Variants in L3MBTL4 observed in about 807,000 individuals in gnomAD.
The protein encoded by L3MBTL4 is L3MBTL histone methyl-lysine binding protein 4.
Under a neutral mutation model 84.5 loss-of-function variants are expected in L3MBTL4, and 70 were observed. The observed-to-expected ratio is 0.83, with a 90% CI of 0.68 to 1.01. The LOEUF (loss-of-function observed/expected upper bound fraction) is 1.01, where lower values mean the gene tolerates loss of function less well. L3MBTL4 is among the 50% of genes least tolerant of loss of function. L3MBTL4 has a pLI of 0.00. For missense variants in L3MBTL4, 715 were observed against 754.8 expected, an observed-to-expected ratio of 0.95 and a Z score of 0.62; for synonymous variants, 274 against 259.8, an observed-to-expected ratio of 1.05 and a Z score of -0.52.
chr18:6,004,075 T>G (rs1456978127), intron 16 of L3MBTL4, among the ~76,000 whole-genome samples: 1 of 151,750 alleles, frequency 6.6e-6, no homozygotes, highest in East Asian at 1.9e-4. Context: ...AAGAGAAAAT[T>G]AATGAAACCA....
At chr18:6,233,761 A>T (rs564567985) in intron 10 of L3MBTL4, among the ~76,000 whole-genome samples, 2 of 152,320 alleles carry the variant, frequency 1.3e-5, no homozygotes, top group African/African-American at 4.8e-5. Context: ...TTACAGATTC[A>T]ATGCCATCCC....
chr18:6,318,586 C>T (rs1174775310), intron 1 of L3MBTL4, among the ~76,000 whole-genome samples: 2 of 140,450 alleles, frequency 1.4e-5, no homozygotes, highest in East Asian at 2.4e-4. Flanking sequence ...TATTACAATC[C>T]TAAATTTACA....
At chr18:5,991,673 C>A (rs567951007) in intron 16 of L3MBTL4, among the ~76,000 whole-genome samples, 1 of 152,264 alleles carries the variant, frequency 6.6e-6, no homozygotes, top group Admixed American at 6.5e-5. Context: ...TTTAAAAGAA[C>A]AAAGAATTAG....
chr18:6,347,557 G>A (rs759519577), intron 1 of L3MBTL4, among the ~76,000 whole-genome samples: 5 of 150,240 alleles, frequency 3.3e-5, no homozygotes, highest in African/African-American at 4.9e-5. Flanking sequence ...AACATGGGAG[G>A]AAAATATATG....
rs576651719 is a variant in L3MBTL4, at chr18:6,000,104, G to A, written c.1445-30542C>T. On this transcript the variant is annotated intron_variant, in intron 16 of 18. Transcript: ENST00000317931. ...AATGAGTGAGCTCAGAAAAAAGAAAGAAGAAAAAGAAAAAAAAATGATATG... is the reference window on the plus strand; with the variant it reads ...AATGAGTGAGCTCAGAAAAAAGAAAAAAGAAAAAGAAAAAAAAATGATATG... 1.9e-3 allele frequency among the ~76,000 whole-genome samples: 287 copies of A among 150,994 alleles called. 2 individuals carry two copies. The highest frequency in any genetic ancestry group is 6.7e-3 in the African/African-American group (278 of 41,210).
chr18:6,213,733 A>G (rs1345037579), intron 11 of L3MBTL4, among the ~76,000 whole-genome samples: 1 of 152,216 alleles, frequency 6.6e-6, no homozygotes, highest in Non-Finnish European at 1.5e-5. Context: ...TTAAGAGCAC[A>G]TAGGACTGTA....
At chr18:6,329,151 C>CTTTTTTTTTTTTTTTTTTTTTTTTTTTT (rs992694853) in intron 1 of L3MBTL4, among the ~76,000 whole-genome samples, 2 of 126,550 alleles carry the variant, frequency 1.6e-5, no homozygotes, top group Non-Finnish European at 1.7e-5. Flanking sequence ...TTTTTCTTTT[C>CTTTTTTTTTTTTTTTTTTTTTTTTTTTT]TTTTTTTTTT....
At chr18:6,360,744 C>T (rs2053653333) in intron 1 of L3MBTL4, among the ~76,000 whole-genome samples, 1 of 152,006 alleles carries the variant, frequency 6.6e-6, no homozygotes, top group Admixed American at 6.6e-5. Context: ...AAACCCAACA[C>T]TTTGAGAGGA....
chr18:5,987,106 C>G (rs1430830766), intron 16 of L3MBTL4, among the ~76,000 whole-genome samples: 1 of 152,186 alleles, frequency 6.6e-6, no homozygotes, highest in Admixed American at 6.5e-5. Flanking sequence ...CTCAGGCGAC[C>G]AAGCCTACAG....
intron 16 of L3MBTL4, among the ~76,000 whole-genome samples, chr18:5,992,033 T>A (rs997797890): frequency 6.6e-6 from 1 of 151,362 alleles, no homozygotes; most frequent in Non-Finnish European, 1.5e-5. Context: ...CATCCATCTA[T>A]CCAACATTAT....
intron 12 of L3MBTL4, among the ~76,000 whole-genome samples, chr18:6,212,499 T>C (rs1365429228): frequency 1.3e-5 from 2 of 152,236 alleles, no homozygotes; most frequent in Admixed American, 1.3e-4. Context: ...CTACAGATGC[T>C]TTCAGCTCTC....
intron 12 of L3MBTL4, among the ~76,000 whole-genome samples, chr18:6,182,187 C>G (rs972590516): frequency 1.3e-5 from 2 of 152,132 alleles, no homozygotes; most frequent in African/African-American, 4.8e-5. Context: ...TTAATAATAG[C>G]CATTCTGACT....
intron 5 of L3MBTL4, among the ~76,000 whole-genome samples, chr18:6,250,050 A>G (rs1176115917): frequency 6.6e-6 from 1 of 152,234 alleles, no homozygotes. Flanking sequence ...GAAGGCCCCA[A>G]GGACATTTCC....
intron 1 of L3MBTL4, among the ~76,000 whole-genome samples, chr18:6,318,683 G>T (rs1225237665): frequency 6.6e-6 from 1 of 151,682 alleles, no homozygotes; most frequent in Non-Finnish European, 1.5e-5. Context: ...AATAATACTG[G>T]GGGACTTCAA....
At chr18:6,196,373 G>A (rs1227785566) in intron 12 of L3MBTL4, among the ~76,000 whole-genome samples, 1 of 152,054 alleles carries the variant, frequency 6.6e-6, no homozygotes, top group African/African-American at 2.4e-5. Flanking sequence ...TGGCCAGGAT[G>A]GTCTTGATCT....
At chr18:6,007,620 C>T (rs1172385268) in intron 16 of L3MBTL4, among the ~76,000 whole-genome samples, 14 of 152,190 alleles carry the variant, frequency 9.2e-5, no homozygotes, top group Admixed American at 9.2e-4. Context: ...TGTAGGCCTA[C>T]TAGCACATGT....
intron 13 of L3MBTL4, among the ~76,000 whole-genome samples, chr18:6,159,292 A>G (rs2043223856): frequency 6.6e-6 from 1 of 152,168 alleles, no homozygotes; most frequent in Non-Finnish European, 1.5e-5. Context: ...AGGGCAACAC[A>G]TCTGATTATA....
At chr18:6,298,349 C>T (rs1022931728) in intron 4 of L3MBTL4, among the ~76,000 whole-genome samples, 2 of 151,470 alleles carry the variant, frequency 1.3e-5, no homozygotes, top group African/African-American at 4.9e-5. Flanking sequence ...CTGTTTATGC[C>T]CTTTGCCTGT....
chr18:6,192,830 GA>G (rs1050586681), intron 12 of L3MBTL4, among the ~76,000 whole-genome samples: 1 of 152,096 alleles, frequency 6.6e-6, no homozygotes, highest in Non-Finnish European at 1.5e-5. Flanking sequence ...CCATGGTTTT[GA>G]CAAGAAAGGG....
Sources: gnomAD v4.1 joint callset for allele counts (sites outside exome capture counted in the v4.1 genomes callset) on GRCh38, gnomAD v4.1.1 for gene constraint, MANE v1.5 for transcripts, NCBI Gene and HGNC (gene_info 2026-07-23, HGNC 2026-07-21) for gene names.